NTN5: variants seen among roughly 807,000 people sequenced by gnomAD.
NTN5 encodes the protein netrin-5.
In NTN5, 42 loss-of-function variants were observed where a neutral mutation model predicts 38.7. The observed-to-expected ratio is 1.08, with a 90% CI of 0.85 to 1.40. The LOEUF (loss-of-function observed/expected upper bound fraction) is 1.40. Among genes scored for constraint, NTN5 ranks in the 40% most tolerant of loss-of-function variants. The probability of loss-of-function intolerance (pLI) is 0.00; values close to 1 mark genes in which losing one functional copy is unlikely to be tolerated. For missense variants in NTN5, 658 were observed against 716.5 expected, an observed-to-expected ratio of 0.92 and a Z score of 0.93; for synonymous variants, 329 against 303.9, an observed-to-expected ratio of 1.08 and a Z score of -0.86.
chr19:48,662,136 C>T (rs2031567449), intron 6 of NTN5, 95 bp from the exon 7 acceptor site: 4 of 1,242,122 alleles, frequency 3.2e-6, no homozygotes, highest in Non-Finnish European at 4.1e-6. Context: ...GAGCCCGAGA[C>T]CGGTGGGTGG....
chr19:48,665,079 ATTT>A (rs754959077), intron 2 of NTN5, among the ~76,000 whole-genome samples: 12 of 138,324 alleles, frequency 8.7e-5, no homozygotes, highest in Admixed American at 4.4e-4. Flanking sequence ...CACACAGCTA[ATTT>A]TTTTTTTTTT....
chr19:48,664,142 C>T lies in NTN5; in HGVS notation c.970+1G>A, dbSNP rs147095250. On this transcript the variant is annotated splice_donor_variant, in intron 4 of 6. Coordinates refer to ENST00000270235, the MANE Select transcript of NTN5 (RefSeq NM_145807.4). LOFTEE classifies it high-confidence loss of function. ...TTGTGGCCTGGCCCCTCAAGACTTA[C>T]GCTGGCAGGGCATCCTGGGGGAGCG... 32 of 1,603,292 alleles carry T rather than the reference C, an allele frequency of 2.0e-5. No homozygotes were observed. The highest frequency in any genetic ancestry group is 1.8e-4 in the South Asian group (16 of 89,416).
chr19:48,663,428 T>C, intron 6 of NTN5, 35 bp downstream of exon 6: 1 of 1,571,636 alleles, frequency 6.4e-7, no homozygotes, highest in East Asian at 2.2e-5. Flanking sequence ...GAACCAGCTG[T>C]GTAGCCTTCA....
rs1488088217 is a variant in NTN5, at chr19:48,670,613, G to T, written c.374C>A (p.Ser125Tyr). Reference sequence around the variant, plus strand: ...CACAGTGGCCTTAGGACCTGGTGTGGAGTGGAAGGTCACCCTTTCAGGGCC... The same window carrying T: ...CACAGTGGCCTTAGGACCTGGTGTGTAGTGGAAGGTCACCCTTTCAGGGCC... ...LGGPERVTFH[S>Y]TPGPKATVAA... The change falls in exon 2 of 7, where the codon TCC becomes TAC. Residue 125 changes from serine (S) to tyrosine (Y), a missense_variant. By Grantham distance (144) the Ser-to-Tyr change is moderately radical. Coordinates refer to ENST00000270235, the MANE Select transcript of NTN5 (RefSeq NM_145807.4). The T allele has an allele frequency of 1.3e-6, 2 of 1,597,228 alleles. No homozygotes were observed. Among genetic ancestry groups the T allele is most frequent in the Non-Finnish European group, 1.7e-6 (2 of 1,172,602 alleles).
At chr19:48,668,715 TC>T (rs2031768353) in intron 2 of NTN5, among the ~76,000 whole-genome samples, 1 of 152,134 alleles carries the variant, frequency 6.6e-6, no homozygotes. Context: ...GGCCTGAGTC[TC>T]CTCATCTGTA....
chr19:48,667,813 G>A (rs558650646), intron 2 of NTN5, among the ~76,000 whole-genome samples: 20 of 152,046 alleles, frequency 1.3e-4, no homozygotes, highest in African/African-American at 4.8e-4. Flanking sequence ...CCGAGATGGC[G>A]CCACTGCACT....
chr19:48,667,299 T>C, intron 2 of NTN5: 1 of 268,582 alleles, frequency 3.7e-6, no homozygotes, highest in Non-Finnish European at 8.1e-6. Flanking sequence ...TAGTCTCACC[T>C]GGCCACCCTG....
chr19:48,672,022 C>T (rs931052616), intron 1 of NTN5, among the ~76,000 whole-genome samples: 20 of 152,214 alleles, frequency 1.3e-4, no homozygotes, highest in Admixed American at 9.2e-4. Flanking sequence ...CGGAAGTTAG[C>T]GTTCTGGGAC....
At position 48,663,033 on chromosome 19, in the gene NTN5, T is replaced by C. The variant is rs114986443; in HGVS notation, c.1105+430A>G. ...AGACCCCAAGGTCATGGAGCAGGTG[T>C]GGACTGGGGATTAGGGAACCGTGGG... On this transcript the variant is annotated intron_variant, in intron 6 of 6. Transcript: ENST00000270235. 4.6e-3 allele frequency: 1,674 copies of C among 367,120 alleles called. 22 individuals are homozygous for C. The highest frequency in any genetic ancestry group is 0.032 in the African/African-American group (1,507 of 47,304). 22.7% of individuals were successfully genotyped at this position (367,120 alleles called of 1,614,324 possible). A position where few individuals can be genotyped will look rare whatever the true frequency, so the allele number is the denominator to read the frequency against.
At chr19:48,665,648 G>A (rs756694300) in intron 2 of NTN5, among the ~76,000 whole-genome samples, 3 of 151,860 alleles carry the variant, frequency 2.0e-5, no homozygotes, top group Non-Finnish European at 4.4e-5. Context: ...TGGTGAAACC[G>A]TCTCTACTAA....
Position 48,664,145 on chromosome 19 carries a change from T to A in NTN5, c.968A>T (p.Gln323Leu). ...QQSRSPRMPCQRIPEATTTLA... is the reference protein window; with the variant it reads ...QQSRSPRMPCLRIPEATTTLA... ...TGGCCTGGCCCCTCAAGACTTACGC[T>A]GGCAGGGCATCCTGGGGGAGCGGCT... The change falls in exon 4 of 7, where the codon CAG becomes CTG. Residue 323 changes from glutamine (Q) to leucine (L), a missense_variant and splice_region_variant. Physicochemically the swap from Gln to Leu is moderately radical, Grantham distance 113. Transcript: ENST00000270235. 6.2e-7 allele frequency: 1 copy of A among 1,605,196 alleles called. No homozygotes were observed.
Position 48,670,626 on chromosome 19 carries a change from C to T in NTN5, c.361G>A (p.Val121Met), listed in dbSNP as rs769779574. ...GGACCTGGTGTGGAGTGGAAGGTCACCCTTTCAGGGCCCCCTAAGGCCCCA... is the reference window on the plus strand; with the variant it reads ...GGACCTGGTGTGGAGTGGAAGGTCATCCTTTCAGGGCCCCCTAAGGCCCCA... ...WPGALGGPER[V>M]TFHSTPGPKA... The change falls in exon 2 of 7, where the codon GTG (valine) becomes ATG (methionine). Residue 121 changes from valine to methionine, a missense_variant. Coordinates refer to ENST00000270235, the MANE Select transcript of NTN5 (RefSeq NM_145807.4). 1.9e-6 allele frequency: 3 copies of T among 1,600,628 alleles called. No homozygotes were observed. In the South Asian group the frequency reaches 3.4e-5, roughly 18 times the overall value.
chr19:48,670,737 T>C lies in NTN5; in HGVS notation c.250A>G (p.Thr84Ala). 1 of 1,612,532 alleles carries C rather than the reference T, an allele frequency of 6.2e-7. No individual in the cohort carries two copies. The highest frequency in any genetic ancestry group is 8.5e-7 in the Non-Finnish European group (1 of 1,179,774). ...LLTSVSLRFC[T>A]PGPPALILSA... ...AGGATGAGGGCTGGGGGTCCTGGGG[T>C]ACAGAAGCGCAAGCTGACAGATGTC... is the stretch of plus-strand genomic sequence containing the variant. Residue 84 changes from threonine (T) to alanine (A), a missense_variant, in exon 2 of 7, where the codon ACC (threonine) becomes GCC (alanine). Thr to Ala is a moderately conservative substitution (Grantham distance 58, BLOSUM62 0). Transcript: ENST00000270235.
At chr19:48,667,056 C>T (rs73944852) in intron 2 of NTN5, among the ~76,000 whole-genome samples, 1 of 152,094 alleles carries the variant, frequency 6.6e-6, no homozygotes, top group African/African-American at 2.4e-5. Context: ...TCCCCCTCTC[C>T]CAGCCTCTGT....
rs749845312 is a variant in NTN5, at chr19:48,664,311, T to TGGGG, written c.821-23_821-20dup. The TGGGG allele has an allele frequency of 3.1e-5, 50 of 1,607,314 alleles. No homozygotes were observed. The highest frequency in any genetic ancestry group is 4.1e-5 in the Non-Finnish European group (48 of 1,176,510). ...TGGCAGGCTACATGAGCAGAGGAGC[T>TGGGG]GGGGGCATGGGGTATCAGGGCCCCA... On this transcript the variant is annotated intron_variant, in intron 3 of 6. Coordinates refer to ENST00000270235, the MANE Select transcript of NTN5 (RefSeq NM_145807.4).
rs773288712 is a variant in NTN5 at position 48,664,289 on chromosome 19, C to G, written c.824G>C (p.Cys275Ser). ...TGTTGCCCCAATAGGGTGGCACTGG[C>G]AGGCTACATGAGCAGAGGAGCTGGG... is the stretch of plus-strand genomic sequence containing the variant. ...PIFSRRACRACQCHPIGATGG... is the reference protein window; with the variant it reads ...PIFSRRACRASQCHPIGATGG... The change falls in exon 4 of 7, where the codon TGC becomes TCC. Residue 275 changes from cysteine to serine, a missense_variant. Coordinates refer to ENST00000270235, the MANE Select transcript of NTN5 (RefSeq NM_145807.4). The G allele has an allele frequency of 1.9e-6, 3 of 1,612,602 alleles. No individual in the cohort carries two copies. The South Asian group carries it at 3.3e-5, about 18-fold the overall frequency.
At position 48,669,189 on chromosome 19, in the gene NTN5, T is replaced by TCATCACCAC. The variant is rs2031799104; in HGVS notation, c.631+1158_631+1166dup. On this transcript the variant is annotated intron_variant, in intron 2 of 6. Coordinates refer to ENST00000270235, the MANE Select transcript of NTN5 (RefSeq NM_145807.4). ...ACCACCATCACCACCATGACCACCATCATCACCACCATCACCATCACCACC... is the reference window on the plus strand; with the variant it reads ...ACCACCATCACCACCATGACCACCATCATCACCACCATCACCACCATCACCATCACCACC... Among the ~76,000 whole-genome samples, 3 of 23,170 alleles carry TCATCACCAC rather than the reference T, an allele frequency of 1.3e-4. 1 individual carries two copies. Among genetic ancestry groups the TCATCACCAC allele is most frequent in the Admixed American group, 1.1e-3 (3 of 2,634 alleles). 15.2% of individuals were successfully genotyped at this position (23,170 alleles called of 152,430 possible).
At chr19:48,669,759 G>C (rs111212182) in intron 2 of NTN5, among the ~76,000 whole-genome samples, 5 of 51,262 alleles carry the variant, frequency 9.8e-5, no homozygotes, top group African/African-American at 3.0e-4. Flanking sequence ...CATCACCATC[G>C]TCACCACTAC....
intron 6 of NTN5, 101 bp downstream of exon 6, chr19:48,663,362 C>T: frequency 2.0e-6 from 2 of 1,017,112 alleles, no homozygotes; most frequent in Non-Finnish European, 1.6e-6. Flanking sequence ...CACTCCTTCC[C>T]ATTTAAGATG....
Sources: allele counts gnomAD v4.1 joint callset (sites outside exome capture counted in the v4.1 genomes callset), GRCh38; gene constraint gnomAD v4.1.1; transcripts MANE v1.5; gene names NCBI Gene and HGNC (gene_info 2026-07-23, HGNC 2026-07-21).